UBE2V2: variants seen among roughly 807,000 people sequenced by gnomAD.
UBE2V2 encodes ubiquitin conjugating enzyme E2 V2, also known as ubiquitin-conjugating enzyme E2 variant 2.
UBE2V2 carries 9 observed loss-of-function variants against 17.2 expected under a neutral mutation model. That is an observed-to-expected ratio of 0.52 (90% CI 0.32 to 0.91). The LOEUF (loss-of-function observed/expected upper bound fraction) is 0.91. Among genes scored for constraint, UBE2V2 ranks in the 40% least tolerant of loss-of-function variants. The probability of loss-of-function intolerance (pLI) is 0.04; values close to 1 mark genes in which losing one functional copy is unlikely to be tolerated. For missense variants in UBE2V2, 133 were observed against 182.6 expected (o/e 0.73, Z 1.56); for synonymous variants, 61 against 57.5 (o/e 1.06, Z -0.28).
chr8:48,053,297 T>C lies in UBE2V2; in HGVS notation c.291+3319T>C, dbSNP rs75607584. The stretch of plus-strand genomic sequence containing the variant: ...TGCACTTAACTATAAATTTATTTTT[T>C]TGTTTTTAAAAGAAATGTTTCTAAC... On this transcript the variant is annotated intron_variant, in intron 3 of 3. Transcript: ENST00000523111. Among the ~76,000 whole-genome samples the C allele has an allele frequency of 6.0e-3, 920 of 152,348 alleles. 6 individuals carry two copies. The highest frequency in any genetic ancestry group is 0.021 in the African/African-American group (878 of 41,578).
chr8:48,047,160 C>T (rs764579819), intron 2 of UBE2V2, among the ~76,000 whole-genome samples: 5 of 151,990 alleles, frequency 3.3e-5, no homozygotes, highest in African/African-American at 9.7e-5. Context: ...AAGCTGGTCT[C>T]GAACTCCCAA....
In UBE2V2 at chr8:48,061,045, C is replaced by T; in HGVS notation, c.*217C>T. ...GCACAATTTTTTTTCTCTTGAAAGGCACTGTCATTTAAACATAAACCTGGA... is the reference window on the plus strand; with the variant it reads ...GCACAATTTTTTTTCTCTTGAAAGGTACTGTCATTTAAACATAAACCTGGA... On this transcript the variant is annotated 3_prime_UTR_variant, in exon 4 of 4. Transcript: ENST00000523111. The T allele has an allele frequency of 2.9e-6, 1 of 343,326 alleles. No individual in the cohort carries two copies. Among genetic ancestry groups the T allele is most frequent in the Non-Finnish European group, 5.1e-6 (1 of 197,552 alleles). The allele number at this position is 343,326 out of a possible 1,614,324, so 21.3% of individuals were successfully genotyped here.
intron 1 of UBE2V2, among the ~76,000 whole-genome samples, chr8:48,027,148 G>C (rs1324148283): frequency 6.6e-6 from 1 of 152,004 alleles, no homozygotes; most frequent in Non-Finnish European, 1.5e-5. Context: ...TGACAAGCCT[G>C]CGCTACCATG....
chr8:48,040,853 T>TG (rs1341756454), intron 1 of UBE2V2, among the ~76,000 whole-genome samples: 1 of 134,252 alleles, frequency 7.4e-6, no homozygotes, highest in African/African-American at 2.7e-5. Flanking sequence ...GGTTTTTTTT[T>TG]TTTTTTTTTT....
intron 1 of UBE2V2, among the ~76,000 whole-genome samples, chr8:48,031,753 T>A (rs1215955479): frequency 2.0e-5 from 3 of 152,058 alleles, no homozygotes; most frequent in Non-Finnish European, 2.9e-5. Flanking sequence ...CCTCCCAAAT[T>A]CAAGCGATTC....
chr8:48,001,794 A>T, the UBE2V2 span, among the ~76,000 whole-genome samples: 1 of 152,244 alleles, frequency 6.6e-6, no homozygotes, highest in African/African-American at 2.4e-5. Flanking sequence ...AACCTGATTT[A>T]AAAATGGGCA....
chr8:48,044,865 A>G (rs1283109683), intron 2 of UBE2V2, among the ~76,000 whole-genome samples: 2 of 152,268 alleles, frequency 1.3e-5, no homozygotes, highest in African/African-American at 4.8e-5. Context: ...CACTGCCTGC[A>G]GCAGACTTTA....
At chr8:48,002,959 C>T in the UBE2V2 span, among the ~76,000 whole-genome samples, 3 of 152,088 alleles carry the variant, frequency 2.0e-5, no homozygotes, top group South Asian at 4.1e-4. Context: ...CACCTGTAAT[C>T]CCAGCACTTT....
At chr8:48,029,949 A>G (rs1266619553) in intron 1 of UBE2V2, among the ~76,000 whole-genome samples, 1 of 152,174 alleles carries the variant, frequency 6.6e-6, no homozygotes, top group Non-Finnish European at 1.5e-5. Context: ...ATGCCATCCT[A>G]ATTTTACTTA....
chr8:48,060,990 A>G lies in UBE2V2; in HGVS notation c.*162A>G, dbSNP rs1200596436. On this transcript the variant is annotated 3_prime_UTR_variant, in exon 4 of 4. Coordinates refer to ENST00000523111, the MANE Select transcript of UBE2V2 (RefSeq NM_003350.3). ...TATATTTAATATATGTACACCCATT[A>G]TGTTTTCAGGTAACAGGAGGAAAAA... 2 of 645,878 alleles carry G rather than the reference A, an allele frequency of 3.1e-6. No individual in the cohort carries two copies. Among genetic ancestry groups the G allele is most frequent in the African/African-American group, 1.9e-5 (1 of 52,840 alleles). 40.0% of individuals were successfully genotyped at this position (645,878 alleles called of 1,614,324 possible).
At chr8:48,009,562 G>A (rs1173796185) in intron 1 of UBE2V2, among the ~76,000 whole-genome samples, 2 of 152,072 alleles carry the variant, frequency 1.3e-5, no homozygotes, top group East Asian at 3.8e-4. Flanking sequence ...CACCGCGCTC[G>A]GCCTGATCTG....
chr8:48,054,225 C>G (rs568809139), intron 3 of UBE2V2, among the ~76,000 whole-genome samples: 4 of 152,312 alleles, frequency 2.6e-5, no homozygotes, highest in Non-Finnish European at 5.9e-5. Flanking sequence ...CAGTTCGTGG[C>G]CTGCCCCTTT....
chr8:48,014,760 A>C (rs1298953250), intron 1 of UBE2V2, among the ~76,000 whole-genome samples: 2 of 150,876 alleles, frequency 1.3e-5, no homozygotes, highest in East Asian at 4.0e-4. Flanking sequence ...TCATTAAAAA[A>C]AGCTTGTTGG....
At chr8:48,009,640 C>T (rs1363028357) in intron 1 of UBE2V2, among the ~76,000 whole-genome samples, 1 of 152,242 alleles carries the variant, frequency 6.6e-6, no homozygotes, top group South Asian at 2.1e-4. Flanking sequence ...GCCATCATTG[C>T]ATAATAAAAT....
chr8:48,059,176 C>A (rs954100892), intron 3 of UBE2V2, among the ~76,000 whole-genome samples: 4 of 151,988 alleles, frequency 2.6e-5, no homozygotes, highest in African/African-American at 9.7e-5. Flanking sequence ...CTCAGGCAAT[C>A]CGCCCGCCTC....
chr8:48,001,641 CT>C, the UBE2V2 span, among the ~76,000 whole-genome samples: 2 of 152,112 alleles, frequency 1.3e-5, no homozygotes, highest in Non-Finnish European at 2.9e-5. Context: ...AGTGTGGTAG[CT>C]TTGAAGCCAA....
rs1018533359 is a variant in UBE2V2, at chr8:48,063,415, G to A, written c.*2587G>A. ...TCCTTTGTTTTGTAAAGTGGCTAAG[G>A]TTGTAGGAGTGTGTGGTATTTATTA... is the stretch of plus-strand genomic sequence containing the variant. On this transcript the variant is annotated 3_prime_UTR_variant, in exon 4 of 4. Coordinates refer to ENST00000523111, the MANE Select transcript of UBE2V2 (RefSeq NM_003350.3). 2.0e-5 allele frequency: 3 copies of A among 152,184 alleles called. No individual in the cohort carries two copies. Among genetic ancestry groups the A allele is most frequent in the African/African-American group, 7.2e-5 (3 of 41,432 alleles). 9.4% of individuals were successfully genotyped at this position (152,184 alleles called of 1,614,324 possible).
chr8:48,044,621 A>G (rs1003480430), intron 2 of UBE2V2, among the ~76,000 whole-genome samples: 7 of 152,124 alleles, frequency 4.6e-5, no homozygotes, highest in African/African-American at 1.7e-4. Context: ...TCCTGAAGAC[A>G]TTTTAGGAAG....
chr8:48,006,373 A>G (rs1394120396), upstream of UBE2V2, among the ~76,000 whole-genome samples: 3 of 152,086 alleles, frequency 2.0e-5, no homozygotes, highest in East Asian at 5.8e-4. Context: ...ATTGATCTAT[A>G]TATCTGTTTT....
Sources: gnomAD v4.1 joint callset for allele counts (sites outside exome capture counted in the v4.1 genomes callset) on GRCh38, gnomAD v4.1.1 for gene constraint, MANE v1.5 for transcripts, NCBI Gene and HGNC (gene_info 2026-07-23, HGNC 2026-07-21) for gene names.